The following ST3GAL2 variants were observed in gnomAD, a reference collection of about 807,000 sequenced individuals.
The protein encoded by ST3GAL2 is ST3 beta-galactoside alpha-2,3-sialyltransferase 2, also known as CMP-N-acetylneuraminate-beta-galactosamide-alpha-2,3-sialyltransferase 2.
Under a neutral mutation model 37.5 loss-of-function variants are expected in ST3GAL2, and 16 were observed. The ratio of observed to expected loss-of-function variants is 0.43; its 90% CI spans 0.29 to 0.65. ST3GAL2 has a LOEUF of 0.65. Ranked by LOEUF, ST3GAL2 falls within the 30% of genes least tolerant of loss-of-function variation. The probability of loss-of-function intolerance (pLI) is 0.17; values close to 1 mark genes in which losing one functional copy is unlikely to be tolerated. For synonymous variants in ST3GAL2, 238 were observed against 202.9 expected (o/e 1.17, Z -1.47); for missense variants, 383 against 487.8 (o/e 0.79, Z 2.02).
At position 70,381,511 on chromosome 16, in the gene ST3GAL2, G is replaced by A. The variant is rs1358165761; in HGVS notation, c.*178C>T. ...ATTGGCTGGGAGAAACAGAAGCTCCGCCCGACCGCAGCGCAGATTGGTGCC... is the reference window on the plus strand; with the variant it reads ...ATTGGCTGGGAGAAACAGAAGCTCCACCCGACCGCAGCGCAGATTGGTGCC... On this transcript the variant is annotated 3_prime_UTR_variant, in exon 7 of 7. Coordinates refer to ENST00000342907, the MANE Select transcript of ST3GAL2 (RefSeq NM_006927.4). 4 of 712,748 alleles carry A rather than the reference G, an allele frequency of 5.6e-6. No individual in the cohort carries two copies. Among genetic ancestry groups the A allele is most frequent in the Admixed American group, 3.0e-5 (1 of 33,478 alleles). 44.2% of individuals were successfully genotyped at this position (712,748 alleles called of 1,614,324 possible).
At position 70,433,755 on chromosome 16, in the gene ST3GAL2, T is replaced by C. The variant is rs146106128; in HGVS notation, c.-1004+5194A>G. Among the ~76,000 whole-genome samples, 954 of 152,352 alleles carry C rather than the reference T, an allele frequency of 6.3e-3. 9 individuals carry two copies. Among genetic ancestry groups the C allele is most frequent in the Non-Finnish European group, 0.01 (710 of 68,030 alleles). On this transcript the variant is annotated intron_variant, in intron 1 of 6. Transcript: ENST00000342907. ...CTGAGTCATCACTCTGATTTTATAG[T>C]TCCCACAGCTTTCCAAGGAAATGCT...
In ST3GAL2 at chr16:70,438,983, C is replaced by T. The variant is rs1230155948; in HGVS notation, c.-1038G>A. On this transcript the variant is annotated 5_prime_UTR_variant, in exon 1 of 7. Transcript: ENST00000342907. ...CGCCCGGCGCCGCGCGGGCCATGCT[C>T]GCCGCTCCGGCCGCCGCCGCCGCCC... 2 of 156,788 alleles carry T rather than the reference C, an allele frequency of 1.3e-5. No individual in the cohort carries two copies. The highest frequency in any genetic ancestry group is 6.7e-5 in the Admixed American group (1 of 14,888). The allele number at this position is 156,788 out of a possible 1,614,324, so 9.7% of individuals were successfully genotyped here. A position where few individuals can be genotyped will look rare whatever the true frequency, so the allele number is the denominator to read the frequency against.
intron 2 of ST3GAL2, among the ~76,000 whole-genome samples, chr16:70,396,159 T>C (rs1404467510): frequency 6.6e-6 from 1 of 151,764 alleles, no homozygotes; most frequent in Non-Finnish European, 1.5e-5. Context: ...TTAGTAGATA[T>C]GGGGTTTCTT....
rs1416381953 is a variant in ST3GAL2 at position 70,381,531 on chromosome 16, G to C, written c.*158C>G. 3 of 833,974 alleles carry C rather than the reference G, an allele frequency of 3.6e-6. No homozygotes were observed. The highest frequency in any genetic ancestry group is 5.4e-6 in the Non-Finnish European group (3 of 552,268). The allele number at this position is 833,974 out of a possible 1,614,324, so 51.7% of individuals were successfully genotyped here. On this transcript the variant is annotated 3_prime_UTR_variant, in exon 7 of 7. Transcript: ENST00000342907. Reference sequence around the variant, plus strand: ...GCTCCGCCCGACCGCAGCGCAGATTGGTGCCAGGCCCGGCCGGTCCCCCAG... The same window carrying C: ...GCTCCGCCCGACCGCAGCGCAGATTCGTGCCAGGCCCGGCCGGTCCCCCAG...
In ST3GAL2 at chr16:70,377,450, A is replaced by G. The variant is rs1486425659; in HGVS notation, c.*4239T>C. 2.0e-5 allele frequency: 3 copies of G among 149,320 alleles called. No homozygotes were observed. The highest frequency in any genetic ancestry group is 7.5e-5 in the African/African-American group (3 of 40,096). 9.2% of individuals were successfully genotyped at this position (149,320 alleles called of 1,614,324 possible). A position where few individuals can be genotyped will look rare whatever the true frequency, so the allele number is the denominator to read the frequency against. On this transcript the variant is annotated 3_prime_UTR_variant, in exon 7 of 7. Transcript: ENST00000342907. ...AGCGGACATAGCACCACTGCATTCCAGCCTGGGCAATGGAGAGAGACTCCA... is the reference window on the plus strand; with the variant it reads ...AGCGGACATAGCACCACTGCATTCCGGCCTGGGCAATGGAGAGAGACTCCA...
chr16:70,408,939 TAAAG>T (rs1284861086), intron 1 of ST3GAL2, among the ~76,000 whole-genome samples: 4 of 63,602 alleles, frequency 6.3e-5, no homozygotes, highest in Admixed American at 3.3e-4. Context: ...AAAGAAAAAA[TAAAG>T]AAACGGCCTC....
At chr16:70,404,439 A>G (rs772416395) in intron 1 of ST3GAL2, among the ~76,000 whole-genome samples, 4 of 152,192 alleles carry the variant, frequency 2.6e-5, no homozygotes, top group Non-Finnish European at 4.4e-5. Flanking sequence ...CAAGCACAGG[A>G]AAAGATGCTC....
intron 4 of ST3GAL2, among the ~76,000 whole-genome samples, chr16:70,387,813 A>G (rs1449261782): frequency 5.9e-5 from 9 of 152,092 alleles, no homozygotes; most frequent in Non-Finnish European, 1.2e-4. Flanking sequence ...CCCAGAAAGG[A>G]GACCAAAACC....
intron 1 of ST3GAL2, among the ~76,000 whole-genome samples, chr16:70,401,936 G>C (rs1242186973): frequency 6.8e-6 from 1 of 147,428 alleles, no homozygotes; most frequent in Non-Finnish European, 1.5e-5. Context: ...GGAGGTTGCA[G>C]TGCGCCAAGA....
intron 1 of ST3GAL2, among the ~76,000 whole-genome samples, chr16:70,417,544 C>T (rs1414307241): frequency 6.6e-6 from 1 of 152,236 alleles, no homozygotes; most frequent in Non-Finnish European, 1.5e-5. Flanking sequence ...CTCTAAACAG[C>T]TCCCTGAGGC....
chr16:70,434,604 A>C (rs937476270), intron 1 of ST3GAL2, among the ~76,000 whole-genome samples: 2 of 151,164 alleles, frequency 1.3e-5, no homozygotes, highest in Non-Finnish European at 2.9e-5. Context: ...ACATCTGGTA[A>C]GTTCTGTAAG....
chr16:70,438,936 C>G lies in ST3GAL2; in HGVS notation c.-1004+13G>C, dbSNP rs975682903. The G allele has an allele frequency of 7.0e-6, 1 of 143,244 alleles. No individual in the cohort carries two copies. Among genetic ancestry groups the G allele is most frequent in the Non-Finnish European group, 1.5e-5 (1 of 65,340 alleles). 8.9% of individuals were successfully genotyped at this position (143,244 alleles called of 1,614,324 possible). A position where few individuals can be genotyped will look rare whatever the true frequency, so the allele number is the denominator to read the frequency against. ...CGCTCTGCATCCCGCCCGCCCTCAT[C>G]CCACCCGCGCACCTCAGTCAGCGCC... On this transcript the variant is annotated intron_variant, in intron 1 of 6. Transcript: ENST00000342907.
At chr16:70,384,131 C>T (rs1425739176) in intron 4 of ST3GAL2, among the ~76,000 whole-genome samples, 1 of 152,108 alleles carries the variant, frequency 6.6e-6, no homozygotes, top group Non-Finnish European at 1.5e-5. Flanking sequence ...AGATAATGAA[C>T]ATCCTAAGTC....
At chr16:70,432,631 G>C (rs2047798891) in intron 1 of ST3GAL2, among the ~76,000 whole-genome samples, 1 of 152,198 alleles carries the variant, frequency 6.6e-6, no homozygotes, top group Non-Finnish European at 1.5e-5. Flanking sequence ...GAAAAAGCCT[G>C]ATTTCCCCCA....
chr16:70,421,725 C>T (rs1224339280), intron 1 of ST3GAL2, among the ~76,000 whole-genome samples: 1 of 152,272 alleles, frequency 6.6e-6, no homozygotes, highest in Non-Finnish European at 1.5e-5. Context: ...CCAGCCCAGG[C>T]TGGAGTGCAG....
At chr16:70,437,439 T>G (rs2047832904) in intron 1 of ST3GAL2, among the ~76,000 whole-genome samples, 1 of 149,632 alleles carries the variant, frequency 6.7e-6, no homozygotes, top group Non-Finnish European at 1.5e-5. Context: ...CCTCCTTTCC[T>G]CCACCCAACC....
intron 3 of ST3GAL2, among the ~76,000 whole-genome samples, chr16:70,390,488 G>A (rs2047475368): frequency 1.3e-5 from 2 of 152,178 alleles, no homozygotes; most frequent in Non-Finnish European, 2.9e-5. Flanking sequence ...GGAAGTTCAA[G>A]CCTTCCCTCA....
rs1246804748 is a variant in ST3GAL2 at position 70,410,188 on chromosome 16, T to A, written c.-1003-10655A>T. 3.0e-5 allele frequency among the ~76,000 whole-genome samples: 3 copies of A among 101,394 alleles called. No individual in the cohort carries two copies. The South Asian group carries it at 7.2e-4, about 24-fold the overall frequency. The allele number at this position is 101,394 out of a possible 152,430, so 66.5% of individuals were successfully genotyped here. On this transcript the variant is annotated intron_variant, in intron 1 of 6. Coordinates refer to ENST00000342907, the MANE Select transcript of ST3GAL2 (RefSeq NM_006927.4). ...TCAGTATTTTGTCTACTATTTTTTCTGTATTTTTTTTCTTTTCCTGACTTG... is the reference window on the plus strand; with the variant it reads ...TCAGTATTTTGTCTACTATTTTTTCAGTATTTTTTTTCTTTTCCTGACTTG...
At chr16:70,395,972 CTTTT>C (rs11353666) in intron 2 of ST3GAL2, among the ~76,000 whole-genome samples, 1 of 141,660 alleles carries the variant, frequency 7.1e-6, no homozygotes, top group Non-Finnish European at 1.6e-5. Context: ...ATGAAATACT[CTTTT>C]TTTTTTTTTT....
Sources: gnomAD v4.1 joint callset for allele counts (sites outside exome capture counted in the v4.1 genomes callset) on GRCh38, gnomAD v4.1.1 for gene constraint, MANE v1.5 for transcripts, NCBI Gene and HGNC (gene_info 2026-07-23, HGNC 2026-07-21) for gene names.